SEMA5A: variants seen among roughly 807,000 people sequenced by gnomAD.
SEMA5A encodes semaphorin-5A.
SEMA5A carries 55 observed loss-of-function variants against 135.5 expected under a neutral mutation model. That is an observed-to-expected ratio of 0.41 (90% CI 0.33 to 0.51). SEMA5A has a LOEUF of 0.51. SEMA5A is among the 20% of genes least tolerant of loss of function. The pLI is 0.37. For synonymous variants in SEMA5A, 580 were observed against 546.5 expected, an observed-to-expected ratio of 1.06 and a Z score of -0.85; for missense variants, 1,290 against 1,419.9, an observed-to-expected ratio of 0.91 and a Z score of 1.47.
chr5:9,346,928 A>ATATG (rs1753902760), intron 3 of SEMA5A, among the ~76,000 whole-genome samples: 1 of 150,620 alleles, frequency 6.6e-6, no homozygotes, highest in African/African-American at 2.4e-5. Flanking sequence ...ATATATATAT[A>ATATG]TGTATTTGCC....
intron 13 of SEMA5A, among the ~76,000 whole-genome samples, chr5:9,133,436 C>A (rs542419652): frequency 1.0e-3 from 155 of 152,208 alleles, no homozygotes; most frequent in Non-Finnish European, 1.8e-3. Flanking sequence ...ATATGCTTAA[C>A]TTATCTAAAG....
intron 3 of SEMA5A, among the ~76,000 whole-genome samples, chr5:9,346,108 T>C (rs986019393): frequency 7.9e-5 from 12 of 152,092 alleles, no homozygotes; most frequent in African/African-American, 2.9e-4. Context: ...ATCCTGTGCC[T>C]ATAAAGACCC....
intron 11 of SEMA5A, among the ~76,000 whole-genome samples, chr5:9,173,763 G>C (rs1744056422): frequency 6.6e-6 from 1 of 152,176 alleles, no homozygotes; most frequent in South Asian, 2.1e-4. Flanking sequence ...TTCAAACAAG[G>C]TCTCGTTAAC....
chr5:9,374,734 G>T (rs187127838), intron 3 of SEMA5A, among the ~76,000 whole-genome samples: 40 of 151,948 alleles, frequency 2.6e-4, no homozygotes, highest in Non-Finnish European at 4.7e-4. Context: ...TCTTGGCCTG[G>T]GGCCTGCCTA....
At chr5:9,195,843 C>T (rs569520702) in intron 10 of SEMA5A, among the ~76,000 whole-genome samples, 1 of 152,344 alleles carries the variant, frequency 6.6e-6, no homozygotes, top group Non-Finnish European at 1.5e-5. Flanking sequence ...TTTGGGAGTC[C>T]CAGATACAGG....
chr5:9,096,780 C>T (rs1739342139), intron 16 of SEMA5A, among the ~76,000 whole-genome samples: 1 of 152,014 alleles, frequency 6.6e-6, no homozygotes, highest in Non-Finnish European at 1.5e-5. Flanking sequence ...TAAGAAATGT[C>T]AAGGGACTTG....
intron 5 of SEMA5A, among the ~76,000 whole-genome samples, chr5:9,292,769 G>T (rs540457210): frequency 3.9e-4 from 59 of 152,274 alleles, no homozygotes; most frequent in Non-Finnish European, 7.6e-4. Context: ...GTAGACCAGG[G>T]TTTCTCAACC....
intron 5 of SEMA5A, among the ~76,000 whole-genome samples, chr5:9,307,243 T>C (rs1467928405): frequency 6.6e-6 from 1 of 152,172 alleles, no homozygotes; most frequent in Admixed American, 6.5e-5. Context: ...GATTAAACAT[T>C]GTGTTCTAAT....
intron 2 of SEMA5A, among the ~76,000 whole-genome samples, chr5:9,432,911 T>A (rs1052940295): frequency 9.9e-5 from 15 of 152,216 alleles, no homozygotes; most frequent in Non-Finnish European, 2.2e-4. Flanking sequence ...TAAAATTTTT[T>A]AAAAATGAAA....
chr5:9,248,429 C>A (rs1748586674), intron 5 of SEMA5A, among the ~76,000 whole-genome samples: 2 of 151,964 alleles, frequency 1.3e-5, no homozygotes. Flanking sequence ...TAATTGCCTA[C>A]ACCAATTAGG....
At chr5:9,107,840 A>T (rs1164812475) in intron 16 of SEMA5A, among the ~76,000 whole-genome samples, 1 of 152,054 alleles carries the variant, frequency 6.6e-6, no homozygotes, top group Admixed American at 6.6e-5. Context: ...GTGTGAGAGG[A>T]CCTGGTACCT....
chr5:9,083,744 CAT>C (rs986329016), intron 16 of SEMA5A, among the ~76,000 whole-genome samples: 10 of 152,166 alleles, frequency 6.6e-5, no homozygotes, highest in Non-Finnish European at 1.0e-4. Context: ...TTAAGGAAGA[CAT>C]GTGGAAGTGC....
chr5:9,123,105 T>C (rs1271398185), intron 13 of SEMA5A, among the ~76,000 whole-genome samples: 1 of 150,748 alleles, frequency 6.6e-6, no homozygotes. Flanking sequence ...ATACAAAAAA[T>C]TAGCCTGGCA....
intron 16 of SEMA5A, among the ~76,000 whole-genome samples, chr5:9,088,227 C>A (rs555608473): frequency 8.5e-4 from 128 of 151,128 alleles, no homozygotes; most frequent in African/African-American, 3.0e-3. Flanking sequence ...TCCCTTGAAC[C>A]CAGGAGGCAG....
chr5:9,160,597 C>T (rs1022455365), intron 11 of SEMA5A, among the ~76,000 whole-genome samples: 4 of 152,146 alleles, frequency 2.6e-5, no homozygotes, highest in African/African-American at 7.2e-5. Context: ...AAGAAGAGAA[C>T]CCTCCTCGGC....
chr5:9,374,905 A>C (rs988982811), intron 3 of SEMA5A, among the ~76,000 whole-genome samples: 1 of 151,464 alleles, frequency 6.6e-6, no homozygotes, highest in African/African-American at 2.4e-5. Flanking sequence ...ACCTGTTCCC[A>C]GTTGCTGTGC....
intron 5 of SEMA5A, among the ~76,000 whole-genome samples, chr5:9,304,780 A>C (rs1751781150): frequency 6.6e-6 from 1 of 152,220 alleles, no homozygotes; most frequent in East Asian, 1.9e-4. Flanking sequence ...AGGAATATGC[A>C]GTACCTACAT....
chr5:9,481,576 G>T (rs1332900106), intron 1 of SEMA5A, among the ~76,000 whole-genome samples: 1 of 152,190 alleles, frequency 6.6e-6, no homozygotes, highest in Non-Finnish European at 1.5e-5. Flanking sequence ...AGCTGTTAGA[G>T]ATTTTCTTTT....
intron 8 of SEMA5A, among the ~76,000 whole-genome samples, chr5:9,212,307 T>TGTTTA (rs1746385630): frequency 6.6e-6 from 1 of 152,254 alleles, no homozygotes; most frequent in African/African-American, 2.4e-5. Context: ...ACATTTATTA[T>TGTTTA]CCTGCCTTAC....
Sources: gnomAD v4.1 joint callset for allele counts (sites outside exome capture counted in the v4.1 genomes callset) on GRCh38, gnomAD v4.1.1 for gene constraint, MANE v1.5 for transcripts, NCBI Gene and HGNC (gene_info 2026-07-23, HGNC 2026-07-21) for gene names.